SYNE2: variants seen among roughly 807,000 people sequenced by gnomAD.
SYNE2 encodes the protein nesprin-2.
A neutral mutation model predicts 856.3 loss-of-function variants in SYNE2; 431 were observed. The ratio of observed to expected loss-of-function variants is 0.50; its 90% CI spans 0.47 to 0.55. The LOEUF (loss-of-function observed/expected upper bound fraction) is 0.55. Among genes scored for constraint, SYNE2 ranks in the 20% least tolerant of loss-of-function variants. SYNE2 has a pLI of 0.00. For synonymous variants in SYNE2, 2,923 were observed against 2,872.3 expected, an observed-to-expected ratio of 1.02 and a Z score of -0.56; for missense variants, 8,129 against 8,023.2, an observed-to-expected ratio of 1.01 and a Z score of -0.50.
At chr14:64,123,855 A>G (rs1469891111) in intron 70 of SYNE2, among the ~76,000 whole-genome samples, 2 of 151,542 alleles carry the variant, frequency 1.3e-5, no homozygotes, top group African/African-American at 4.9e-5. Flanking sequence ...ACTAAACTGA[A>G]AGATTAATGA....
chr14:63,822,042 T>G (rs1245752843), intron 1 of SYNE2, among the ~76,000 whole-genome samples: 1 of 151,692 alleles, frequency 6.6e-6, no homozygotes, highest in Non-Finnish European at 1.5e-5. Context: ...AACACAAAAA[T>G]TAGCTGGGCA....
At chr14:63,810,164 C>T (rs1888559167) in intron 1 of SYNE2, among the ~76,000 whole-genome samples, 1 of 150,304 alleles carries the variant, frequency 6.7e-6, no homozygotes, top group Non-Finnish European at 1.5e-5. Flanking sequence ...TTTGAGGCTG[C>T]AGTGAGCTAA....
At chr14:63,976,453 C>A in intron 11 of SYNE2, 110 bp from the exon 12 acceptor site, 2 of 1,146,322 alleles carry the variant, frequency 1.7e-6, no homozygotes, top group Non-Finnish European at 2.5e-6. Flanking sequence ...TCACATTTAT[C>A]AGACTTGGCT....
chr14:64,164,963 C>T (rs1338675520), intron 89 of SYNE2, among the ~76,000 whole-genome samples: 1 of 152,012 alleles, frequency 6.6e-6, no homozygotes. Context: ...TTACAGCTTA[C>T]TGCAGCCTTG....
intron 45 of SYNE2, among the ~76,000 whole-genome samples, chr14:64,041,402 G>A (rs552065741): frequency 6.6e-6 from 1 of 152,184 alleles, no homozygotes; most frequent in East Asian, 1.9e-4. Flanking sequence ...ACAATCTACT[G>A]AAAGATAATG....
At chr14:64,174,135 GATCTTGGCTCACTGCAA>G (rs1327210212) in intron 94 of SYNE2, 1 of 420,770 alleles carries the variant, frequency 2.4e-6, no homozygotes, top group Non-Finnish European at 4.2e-6. Context: ...GCAGTGGTGT[GATCTTGGCTCACTGCAA>G]TCTCTGCCTC....
At chr14:64,046,570 C>T (rs2097187787) in intron 45 of SYNE2, among the ~76,000 whole-genome samples, 1 of 152,182 alleles carries the variant, frequency 6.6e-6, no homozygotes, top group African/African-American at 2.4e-5. Context: ...CCATGGTGAA[C>T]TCCTTGAACT....
At chr14:63,889,082 C>G in intron 1 of SYNE2, among the ~76,000 whole-genome samples, 1 of 145,038 alleles carries the variant, frequency 6.9e-6, no homozygotes, top group African/African-American at 2.5e-5. Context: ...AGGGTAAAGA[C>G]CTATGATACA....
At position 64,048,215 on chromosome 14, in the gene SYNE2, A is replaced by G. The variant is rs189137887; in HGVS notation, c.7377+60A>G. The G allele has an allele frequency of 7.5e-4, 1,168 of 1,556,502 alleles. 1 individual carries two copies. Among genetic ancestry groups the G allele is most frequent in the Non-Finnish European group, 9.6e-4 (1,097 of 1,140,468 alleles). On this transcript the variant is annotated intron_variant, in intron 46 of 115. Coordinates refer to ENST00000555002, the MANE Select transcript of SYNE2 (RefSeq NM_182914.3). ...CATCATTTATCCAGTGCAATACAAT[A>G]TATTTTAATTGCCAAAAACTTGCTT...
Position 64,047,993 on chromosome 14 carries a change from A to G in SYNE2, c.7222-7A>G. On this transcript the variant is annotated splice_region_variant and splice_polypyrimidine_tract_variant and intron_variant, in intron 45 of 115. Coordinates refer to ENST00000555002, the MANE Select transcript of SYNE2 (RefSeq NM_182914.3). ...TATTCAGCAATTAATCTTTTTATGT[A>G]TTTCAGGATTCAGCTGTGGAAATGG... 8 of 1,613,424 alleles carry G rather than the reference A, an allele frequency of 5.0e-6. No individual in the cohort carries two copies. Among genetic ancestry groups the G allele is most frequent in the Non-Finnish European group, 6.8e-6 (8 of 1,179,630 alleles).
At chr14:64,124,690 G>T (rs992057897) in intron 70 of SYNE2, among the ~76,000 whole-genome samples, 1 of 152,114 alleles carries the variant, frequency 6.6e-6, no homozygotes, top group East Asian at 1.9e-4. Context: ...GCATGCTAAG[G>T]CATCTTTTTC....
chr14:63,952,776 CT>C (rs949095996), intron 7 of SYNE2, among the ~76,000 whole-genome samples: 3 of 152,116 alleles, frequency 2.0e-5, no homozygotes, highest in Non-Finnish European at 4.4e-5. Flanking sequence ...TAGTTTTAAG[CT>C]TTTTTTCCCG....
chr14:64,065,459 A>G lies in SYNE2; in HGVS notation c.10240A>G (p.Lys3414Glu). The G allele has an allele frequency of 6.2e-7, 1 of 1,614,116 alleles. No individual in the cohort carries two copies. The highest frequency in any genetic ancestry group is 8.5e-7 in the Non-Finnish European group (1 of 1,180,024). Residue 3414 changes from lysine (K) to glutamate (E), a missense_variant, in exon 51 of 116, where the codon AAA (lysine) becomes GAA (glutamate). By Grantham distance (56) the Lys-to-Glu change is moderately conservative. This residue lies in a region of SYNE2 where 5,410 missense variants were observed against 5,284.8 expected (regional missense o/e 1.02). Transcript: ENST00000555002. ...CTTGGTGTCAAATCTTATATCAACCAAAGAAGAGTTAATGAAACTACGACA... is the reference window on the plus strand; with the variant it reads ...CTTGGTGTCAAATCTTATATCAACCGAAGAAGAGTTAATGAAACTACGACA... ...KALVSNLIST[K>E]EELMKLRQIL...
At chr14:63,967,342 A>G (rs1198511102) in intron 10 of SYNE2, among the ~76,000 whole-genome samples, 1 of 152,234 alleles carries the variant, frequency 6.6e-6, no homozygotes, top group Non-Finnish European at 1.5e-5. Context: ...TACTGCCGTC[A>G]TATAATTTTC....
chr14:63,773,593 C>T (rs1037882296), intron 1 of SYNE2, among the ~76,000 whole-genome samples: 3 of 151,992 alleles, frequency 2.0e-5, no homozygotes, highest in Non-Finnish European at 2.9e-5. Context: ...CTATGCTGCC[C>T]GTGCTAGAAT....
chr14:64,088,485 G>A (rs1471140542), intron 58 of SYNE2, among the ~76,000 whole-genome samples: 5 of 152,090 alleles, frequency 3.3e-5, no homozygotes, highest in South Asian at 2.1e-4. Flanking sequence ...CTGGCTGGGC[G>A]TGGTGCCCAG....
At chr14:63,845,628 T>C (rs1453610048) in intron 1 of SYNE2, among the ~76,000 whole-genome samples, 2 of 152,108 alleles carry the variant, frequency 1.3e-5, no homozygotes, top group African/African-American at 2.4e-5. Flanking sequence ...ATTTCTGCTT[T>C]ATCTTTATTT....
intron 11 of SYNE2, among the ~76,000 whole-genome samples, chr14:63,970,760 C>T (rs1175771463): frequency 6.9e-6 from 1 of 144,600 alleles, no homozygotes; most frequent in Non-Finnish European, 1.5e-5. Context: ...TCGAGCGATT[C>T]TCCTGCCTCA....
Position 64,225,854 on chromosome 14 carries a change from A to C in SYNE2, c.*328A>C. ...TTGTTTGTAAAACAGCATTATTATA[A>C]TGTAGGTATGGTCAATGAGCAGTGG... On this transcript the variant is annotated 3_prime_UTR_variant, in exon 116 of 116. Transcript: ENST00000555002. 2 of 571,592 alleles carry C rather than the reference A, an allele frequency of 3.5e-6. No homozygotes were observed. Among genetic ancestry groups the C allele is most frequent in the East Asian group, 2.9e-5 (1 of 34,542 alleles). The allele number at this position is 571,592 out of a possible 1,614,324, so 35.4% of individuals were successfully genotyped here.
Sources: gnomAD v4.1 joint callset for allele counts (sites outside exome capture counted in the v4.1 genomes callset) on GRCh38, gnomAD v4.1.1 for gene constraint, gnomAD v4.1.1 regional missense constraint, MANE v1.5 for transcripts, NCBI Gene and HGNC (gene_info 2026-07-23, HGNC 2026-07-21) for gene names.